Variants in SCN4B observed in about 807,000 individuals in gnomAD.
The protein encoded by SCN4B is sodium voltage-gated channel beta subunit 4.
In SCN4B, 20 loss-of-function variants were observed where a neutral mutation model predicts 19.6. The ratio of observed to expected loss-of-function variants is 1.02; its 90% confidence interval spans 0.72 to 1.48. The LOEUF is 1.48. Among genes scored for constraint, SCN4B ranks in the 40% most tolerant of loss-of-function variants. The pLI is 0.00. For synonymous variants in SCN4B, 127 were observed against 122.8 expected (o/e 1.03, Z -0.22); for missense variants, 271 against 287.5 (o/e 0.94, Z 0.42).
chr11:118,133,761 C>G lies in SCN4B; in HGVS notation c.*3266G>C. 2.2e-6 allele frequency: 1 copy of G among 454,542 alleles called. No individual in the cohort carries two copies. Among genetic ancestry groups the G allele is most frequent in the Non-Finnish European group, 4.4e-6 (1 of 226,792 alleles). 28.2% of individuals were successfully genotyped at this position (454,542 alleles called of 1,614,324 possible). The stretch of plus-strand genomic sequence containing the variant: ...CCGAGAAGTCCCCGCTCCTGGAACT[C>G]CCTACTGCCAGCCCTCTGATGGCAG... On this transcript the variant is annotated 3_prime_UTR_variant, in exon 5 of 5. Coordinates refer to ENST00000324727, the MANE Select transcript of SCN4B (RefSeq NM_174934.4).
intron 4 of SCN4B, among the ~76,000 whole-genome samples, chr11:118,138,658 A>T (rs1948055407): frequency 6.6e-6 from 1 of 152,198 alleles, no homozygotes; most frequent in Admixed American, 6.5e-5. Flanking sequence ...GGCATGTGAC[A>T]TTAAACAAGT....
intron 3 of SCN4B, chr11:118,142,708 T>C (rs1247933065): frequency 1.3e-5 from 2 of 152,138 alleles, no homozygotes; most frequent in African/African-American, 4.8e-5. Context: ...TCCATACAGA[T>C]GGAGAGACGA....
chr11:118,148,883 CGTGT>C lies in SCN4B; in HGVS notation c.62-3658_62-3655del, dbSNP rs377256483. ...GTTAATTCTAGAATGTTAAAGTGTA[CGTGT>C]GTGTGTGTGTGAGAGTGGGGGGCCT... is the stretch of plus-strand genomic sequence containing the variant. On this transcript the variant is annotated intron_variant, in intron 1 of 4. Transcript: ENST00000324727. This position sits in a 1 kb window ranked among gnomAD's most constrained non-coding sequence, Gnocchi z 4.0. 1.3e-4 allele frequency among the ~76,000 whole-genome samples: 20 copies of C among 151,700 alleles called. No homozygotes were observed. The East Asian group carries it at 1.7e-3, about 13-fold the overall frequency.
chr11:118,142,326 C>T (rs1948109841), intron 3 of SCN4B, among the ~76,000 whole-genome samples: 1 of 152,218 alleles, frequency 6.6e-6, no homozygotes, highest in Admixed American at 6.5e-5. Flanking sequence ...CACGCATCTG[C>T]CTCAAGGCCT....
Position 118,141,287 on chromosome 11 carries a change from G to A in SCN4B, c.513C>T (p.Gly171=), listed in dbSNP as rs368141412. The A allele has an allele frequency of 2.0e-5, 32 of 1,612,380 alleles. No homozygotes were observed. Among genetic ancestry groups the A allele is most frequent in the Admixed American group, 1.7e-4 (10 of 60,002 alleles). The part of the protein sequence containing the change: ...TVTLIILAVV[G]GVIGLLILIL... ...TGAGGATGAGGAGCCCGATGACCCC[G>A]CCCACGACAGCCAGGATGATGAGTG... is the stretch of plus-strand genomic sequence containing the variant. The change falls in exon 4 of 5, where the codon GGC becomes GGT. Residue 171 remains glycine, a synonymous_variant. Transcript: ENST00000324727.
chr11:118,148,755 A>G lies in SCN4B; in HGVS notation c.62-3526T>C, dbSNP rs1948207543. Reference sequence around the variant, plus strand: ...TGTCAGCCAAGAATGTCTCCAGGCCATTCCCACATTGATCTGTATTTTCAC... The same window carrying G: ...TGTCAGCCAAGAATGTCTCCAGGCCGTTCCCACATTGATCTGTATTTTCAC... On this transcript the variant is annotated intron_variant, in intron 1 of 4. Coordinates refer to ENST00000324727, the MANE Select transcript of SCN4B (RefSeq NM_174934.4). This position sits in a 1 kb window ranked among gnomAD's most constrained non-coding sequence, Gnocchi z 4.0. 6.6e-6 allele frequency among the ~76,000 whole-genome samples: 1 copy of G among 152,208 alleles called. No individual in the cohort carries two copies. Among genetic ancestry groups the G allele is most frequent in the Non-Finnish European group, 1.5e-5 (1 of 68,028 alleles).
chr11:118,141,169 C>T lies in SCN4B; in HGVS notation c.593+38G>A, dbSNP rs372527925. On this transcript the variant is annotated intron_variant, in intron 4 of 4. Coordinates refer to ENST00000324727, the MANE Select transcript of SCN4B (RefSeq NM_174934.4). Reference sequence around the variant, plus strand: ...TGGGGGTAGATGAGAGGGTGGTGGGCTGCTGGGAGGACAGGAGTGTGCTCC... The same window carrying T: ...TGGGGGTAGATGAGAGGGTGGTGGGTTGCTGGGAGGACAGGAGTGTGCTCC... 5.0e-6 allele frequency: 8 copies of T among 1,612,006 alleles called. No homozygotes were observed. In the African/African-American group the frequency reaches 9.4e-5, roughly 19 times the overall value.
At position 118,136,762 on chromosome 11, in the gene SCN4B, C is replaced by A; in HGVS notation, c.*265G>T. ...ATCTGCCCAGGTGTCAGGGGACCAG[C>A]CCCTCCACACCACCCTAGCCTCTCC... is the stretch of plus-strand genomic sequence containing the variant. On this transcript the variant is annotated 3_prime_UTR_variant, in exon 5 of 5. Coordinates refer to ENST00000324727, the MANE Select transcript of SCN4B (RefSeq NM_174934.4). 1.7e-6 allele frequency: 1 copy of A among 593,012 alleles called. No individual in the cohort carries two copies. Among genetic ancestry groups the A allele is most frequent in the Non-Finnish European group, 3.2e-6 (1 of 316,406 alleles). The allele number at this position is 593,012 out of a possible 1,614,324, so 36.7% of individuals were successfully genotyped here.
In SCN4B at chr11:118,143,979, G is replaced by A; in HGVS notation, c.317C>T (p.Ser106Phe). 1 of 1,614,128 alleles carries A rather than the reference G, an allele frequency of 6.2e-7. No homozygotes were observed. The highest frequency in any genetic ancestry group is 8.5e-7 in the Non-Finnish European group (1 of 1,179,974). Residue 106 changes from serine to phenylalanine, a missense_variant, in exon 3 of 5, where the codon TCT becomes TTT. By Grantham distance (155) the Ser-to-Phe change is radical. Transcript: ENST00000324727. ...AATGTTGTTCATCTTCTCCTTAGTAGAGCCTACCAGAGTGATGCGGTCATC... is the reference window on the plus strand; with the variant it reads ...AATGTTGTTCATCTTCTCCTTAGTAAAGCCTACCAGAGTGATGCGGTCATC... The part of the protein sequence containing the change: ...KDDDRITLVG[S>F]TKEKMNNISI...
chr11:118,146,195 C>T (rs1459546702), intron 1 of SCN4B, among the ~76,000 whole-genome samples: 1 of 152,196 alleles, frequency 6.6e-6, no homozygotes. Flanking sequence ...TTCGAACCTC[C>T]GCCCCAGCAC....
Position 118,135,607 on chromosome 11 carries a change from G to A in SCN4B, c.*1420C>T, listed in dbSNP as rs1947983582. On this transcript the variant is annotated 3_prime_UTR_variant, in exon 5 of 5. Transcript: ENST00000324727. ...GGGCAGGCTAGAAACCCCAATGGGA[G>A]CACCTGGCCGACATCTCCAAGATTC... 1.1e-5 allele frequency: 5 copies of A among 454,016 alleles called. No homozygotes were observed. Among genetic ancestry groups the A allele is most frequent in the African/African-American group, 6.0e-5 (3 of 49,948 alleles). The allele number at this position is 454,016 out of a possible 1,614,324, so 28.1% of individuals were successfully genotyped here.
intron 1 of SCN4B, chr11:118,145,580 C>T (rs1000423869): frequency 2.7e-6 from 2 of 738,826 alleles, no homozygotes; most frequent in Admixed American, 3.5e-5. Context: ...GGAAGCGCTC[C>T]TGCCGCACCC....
intron 1 of SCN4B, among the ~76,000 whole-genome samples, chr11:118,146,227 G>A (rs1948173583): frequency 6.6e-6 from 1 of 152,176 alleles, no homozygotes; most frequent in South Asian, 2.1e-4. Context: ...CCCCTCCGCT[G>A]GGACTAGGCC....
rs1201527951 is a variant in SCN4B at position 118,136,445 on chromosome 11, G to A, written c.*582C>T. On this transcript the variant is annotated 3_prime_UTR_variant, in exon 5 of 5. Transcript: ENST00000324727. ...GGAGGGGATAGGCAGATAGGGTCCCGGGGCAGGGGAAAGGAAGTTTCCTAC... is the reference window on the plus strand; with the variant it reads ...GGAGGGGATAGGCAGATAGGGTCCCAGGGCAGGGGAAAGGAAGTTTCCTAC... 1.5e-5 allele frequency: 7 copies of A among 453,746 alleles called. No homozygotes were observed. The highest frequency in any genetic ancestry group is 2.4e-5 in the Admixed American group (1 of 42,550). The allele number at this position is 453,746 out of a possible 1,614,324, so 28.1% of individuals were successfully genotyped here.
At chr11:118,139,345 A>ACACC (rs939237725) in intron 4 of SCN4B, among the ~76,000 whole-genome samples, 20 of 151,336 alleles carry the variant, frequency 1.3e-4, no homozygotes, top group Non-Finnish European at 2.2e-4. Context: ...CCTGCCACAA[A>ACACC]CACCCATTCA....
chr11:118,152,387 C>A (rs989432813), intron 1 of SCN4B, among the ~76,000 whole-genome samples: 2 of 152,168 alleles, frequency 1.3e-5, no homozygotes, highest in African/African-American at 4.8e-5. Context: ...AGCAAAAAAA[C>A]TAATCCTGAG....
intron 1 of SCN4B, among the ~76,000 whole-genome samples, chr11:118,147,931 A>G (rs1948197799): frequency 2.6e-5 from 4 of 152,260 alleles, no homozygotes; most frequent in Admixed American, 2.0e-4. Flanking sequence ...AGAGCACAAA[A>G]GATGCGTGCG....
chr11:118,143,854 A>G lies in SCN4B; in HGVS notation c.442T>C (p.Phe148Leu), dbSNP rs1291562585. 1 of 1,612,498 alleles carries G rather than the reference A, an allele frequency of 6.2e-7. No individual in the cohort carries two copies. Among genetic ancestry groups the G allele is most frequent in the African/African-American group, 1.3e-5 (1 of 74,872 alleles). The change falls in exon 3 of 5, where the codon TTC becomes CTC. Residue 148 changes from phenylalanine (F) to leucine (L), a missense_variant. Physicochemically the swap from Phe to Leu is conservative, Grantham distance 22 (BLOSUM62 0). Coordinates refer to ENST00000324727, the MANE Select transcript of SCN4B (RefSeq NM_174934.4). ...ENNLQHHATI[F>L]LQVVDRLEEV... The stretch of plus-strand genomic sequence containing the variant: ...ATACGTCTATCAACGACTTGGAGGA[A>G]GATGGTGGCGTGGTGCTGGAGATTA...
intron 2 of SCN4B, 94 bp downstream of exon 2, chr11:118,144,963 C>T: frequency 7.1e-6 from 9 of 1,271,700 alleles, no homozygotes; most frequent in Non-Finnish European, 8.0e-6. Flanking sequence ...TGGGGACCAT[C>T]GCAGTGGGTC....
Sources: gnomAD v4.1 joint callset for allele counts (sites outside exome capture counted in the v4.1 genomes callset) on GRCh38, gnomAD v4.1.1 for gene constraint, Gnocchi (gnomAD v3.1) non-coding constraint, MANE v1.5 for transcripts, NCBI Gene and HGNC (gene_info 2026-07-23, HGNC 2026-07-21) for gene names.